The following CAMTA1 variants were observed in gnomAD, a reference collection of about 807,000 sequenced individuals.
CAMTA1 encodes the protein calmodulin-binding transcription activator 1.
CAMTA1 carries 27 observed loss-of-function variants against 170.9 expected under a neutral mutation model. The ratio of observed to expected loss-of-function variants is 0.16; its 90% CI spans 0.12 to 0.22. The LOEUF is 0.22. Among genes scored for constraint, CAMTA1 ranks in the 10% least tolerant of loss-of-function variants. CAMTA1 has a pLI of 1.00. For missense variants in CAMTA1, 1,619 were observed against 2,217.2 expected, an observed-to-expected ratio of 0.73 and a Z score of 5.42; for synonymous variants, 833 against 891.5, an observed-to-expected ratio of 0.93 and a Z score of 1.17.
intron 5 of CAMTA1, among the ~76,000 whole-genome samples, chr1:7,376,991 C>G (rs1370028549): frequency 6.6e-6 from 1 of 152,182 alleles, no homozygotes; most frequent in Non-Finnish European, 1.5e-5. Context: ...TGCTGCATGT[C>G]CATTCTGAAA....
At chr1:7,090,930 G>A (rs185766974) in intron 3 of CAMTA1, among the ~76,000 whole-genome samples, 1 of 152,276 alleles carries the variant, frequency 6.6e-6, no homozygotes, top group East Asian at 1.9e-4. Context: ...AGAAAAGGAC[G>A]AAACTTTCCA....
At chr1:6,846,358 A>G (rs1198659131) in intron 3 of CAMTA1, among the ~76,000 whole-genome samples, 1 of 152,132 alleles carries the variant, frequency 6.6e-6, no homozygotes, top group Non-Finnish European at 1.5e-5. Context: ...TCTACTCTCC[A>G]TTTACGTGGA....
At chr1:7,107,298 G>GTGTGTGTGTA (rs1643696461) in intron 4 of CAMTA1, among the ~76,000 whole-genome samples, 1 of 151,230 alleles carries the variant, frequency 6.6e-6, no homozygotes, top group African/African-American at 2.4e-5. Context: ...GTGTGTGTGT[G>GTGTGTGTGTA]TGTGCGCGCC....
intron 5 of CAMTA1, among the ~76,000 whole-genome samples, chr1:7,425,174 C>T (rs142918000): frequency 2.6e-5 from 4 of 152,194 alleles, no homozygotes; most frequent in Non-Finnish European, 5.9e-5. Context: ...CCACAGACCC[C>T]AGGCCAAGAG....
intron 11 of CAMTA1, among the ~76,000 whole-genome samples, chr1:7,703,392 C>G (rs1415266310): frequency 6.6e-6 from 1 of 152,156 alleles, no homozygotes; most frequent in Non-Finnish European, 1.5e-5. Flanking sequence ...CCAGGGCAGG[C>G]TTCGGAACAG....
intron 3 of CAMTA1, among the ~76,000 whole-genome samples, chr1:7,083,791 A>C (rs768250406): frequency 1.3e-5 from 2 of 152,224 alleles, no homozygotes; most frequent in Non-Finnish European, 2.9e-5. Context: ...TCCCTAATAA[A>C]GTACATAACA....
intron 5 of CAMTA1, among the ~76,000 whole-genome samples, chr1:7,347,570 C>T (rs551401267): frequency 6.6e-6 from 1 of 152,318 alleles, no homozygotes; most frequent in African/African-American, 2.4e-5. Context: ...TTACCACAAA[C>T]TGGGTGGCTT....
chr1:7,725,118 A>G (rs2096675448), intron 11 of CAMTA1, among the ~76,000 whole-genome samples: 2 of 152,216 alleles, frequency 1.3e-5, no homozygotes, highest in Admixed American at 6.5e-5. Flanking sequence ...GACGGTTGCT[A>G]TGAAAGCCGT....
chr1:7,568,064 C>T (rs867478290), intron 6 of CAMTA1, among the ~76,000 whole-genome samples: 8 of 152,240 alleles, frequency 5.3e-5, no homozygotes, highest in Middle Eastern at 6.8e-3. Flanking sequence ...CCATTACCAC[C>T]GTCATCACTA....
intron 4 of CAMTA1, among the ~76,000 whole-genome samples, chr1:7,128,838 T>G (rs1275142765): frequency 1.5e-5 from 2 of 137,134 alleles, no homozygotes; most frequent in Non-Finnish European, 3.2e-5. Context: ...CTCCTTTTTT[T>G]TTTTTTTTTT....
At chr1:7,401,895 C>T (rs1575127833) in intron 5 of CAMTA1, among the ~76,000 whole-genome samples, 1 of 152,242 alleles carries the variant, frequency 6.6e-6, no homozygotes. Context: ...TAGGCTGTTT[C>T]CTTAGCAGCA....
Position 7,482,436 on chromosome 1 carries a change from G to A in CAMTA1, c.510+14535G>A, listed in dbSNP as rs948943411. Among the ~76,000 whole-genome samples, 1 of 152,148 alleles carries A rather than the reference G, an allele frequency of 6.6e-6. No homozygotes were observed. Among genetic ancestry groups the A allele is most frequent in the Admixed American group, 6.5e-5 (1 of 15,274 alleles). On this transcript the variant is annotated intron_variant, in intron 6 of 22. Coordinates refer to ENST00000303635, the MANE Select transcript of CAMTA1 (RefSeq NM_015215.4). The surrounding 1 kb of genome is among the most constrained non-coding windows in gnomAD (Gnocchi z 4.2). Reference sequence around the variant, plus strand: ...CCAGCTGTGCCCCACGAGCACAAGCGTCAGCACTCGGTAAAGACACCAGAA... The same window carrying A: ...CCAGCTGTGCCCCACGAGCACAAGCATCAGCACTCGGTAAAGACACCAGAA...
chr1:7,170,267 C>G (rs2148820107), intron 4 of CAMTA1, among the ~76,000 whole-genome samples: 1 of 143,974 alleles, frequency 6.9e-6, no homozygotes, highest in East Asian at 2.0e-4. Context: ...ATTATGATTT[C>G]TGTTTTGAAT....
chr1:7,663,110 G>A (rs929012332), intron 8 of CAMTA1, among the ~76,000 whole-genome samples: 33 of 152,332 alleles, frequency 2.2e-4, no homozygotes, highest in African/African-American at 7.5e-4. Context: ...CAAGGCCAAA[G>A]CCCCTCTGAT....
In CAMTA1 at chr1:6,871,108, A is replaced by G. The variant is rs567431060; in HGVS notation, c.234+45898A>G. 5.9e-5 allele frequency among the ~76,000 whole-genome samples: 9 copies of G among 152,322 alleles called. No individual in the cohort carries two copies. The East Asian group carries it at 1.5e-3, about 26-fold the overall frequency. ...TGATGAAATGAAGCCTGTCAGATAC[A>G]GGAAAAACAAAACAAAAAACCCTTG... On this transcript the variant is annotated intron_variant, in intron 3 of 22. Transcript: ENST00000303635.
intron 3 of CAMTA1, among the ~76,000 whole-genome samples, chr1:6,870,240 A>G (rs1668012669): frequency 6.6e-6 from 1 of 152,184 alleles, no homozygotes; most frequent in Non-Finnish European, 1.5e-5. Context: ...GCAGTGTTCA[A>G]AATTACTTGC....
In CAMTA1 at chr1:7,662,249, C is replaced by A. The variant is rs575686544; in HGVS notation, c.805+383C>A. ...GGGGTCTTGAGGGAGACGTGCCCTG[C>A]GTCAGTGACACCACGCAGGCGCAAC... On this transcript the variant is annotated intron_variant, in intron 8 of 22. Transcript: ENST00000303635. 2.6e-5 allele frequency among the ~76,000 whole-genome samples: 4 copies of A among 152,362 alleles called. No homozygotes were observed. In the South Asian group the frequency reaches 6.2e-4, roughly 24 times the overall value.
chr1:6,857,958 G>T (rs1663071189), intron 3 of CAMTA1, among the ~76,000 whole-genome samples: 1 of 152,234 alleles, frequency 6.6e-6, no homozygotes, highest in East Asian at 1.9e-4. Context: ...CCAGGGCAGA[G>T]ATTTTAGTTT....
In CAMTA1 at chr1:7,134,112, C is replaced by A. The variant is rs183953294; in HGVS notation, c.302+42741C>A. Among the ~76,000 whole-genome samples, 68 of 152,198 alleles carry A rather than the reference C, an allele frequency of 4.5e-4. 1 individual carries two copies. Among genetic ancestry groups the A allele is most frequent in the African/African-American group, 1.6e-3 (66 of 41,524 alleles). ...TCCCATTTCTATGTCCATGAGTACC[C>A]AATGTTTAGCTCCCACTTTTAAGTA... On this transcript the variant is annotated intron_variant, in intron 4 of 22. Coordinates refer to ENST00000303635, the MANE Select transcript of CAMTA1 (RefSeq NM_015215.4).
Sources: gnomAD v4.1 joint callset for allele counts (sites outside exome capture counted in the v4.1 genomes callset) on GRCh38, gnomAD v4.1.1 for gene constraint, Gnocchi (gnomAD v3.1) non-coding constraint, MANE v1.5 for transcripts, NCBI Gene and HGNC (gene_info 2026-07-23, HGNC 2026-07-21) for gene names.